Variants in PGCKA1 observed in about 807,000 individuals in gnomAD.
PGCKA1 encodes the protein PDCD10 and GCKIII kinases-associated protein 1.
chr4:37,536,380 T>C, the PGCKA1 span, among the ~76,000 whole-genome samples: 4 of 152,170 alleles, frequency 2.6e-5, no homozygotes, highest in Non-Finnish European at 5.9e-5. Context: ...AACAAACTTT[T>C]TTTTTTATCT....
chr4:37,474,083 A>G, the PGCKA1 span, among the ~76,000 whole-genome samples: 2 of 152,054 alleles, frequency 1.3e-5, no homozygotes, highest in Admixed American at 1.3e-4. Flanking sequence ...CCCAAATTTC[A>G]TGTGTTTGAA....
the PGCKA1 span, among the ~76,000 whole-genome samples, chr4:37,499,252 C>G: frequency 6.6e-6 from 1 of 152,106 alleles, no homozygotes; most frequent in South Asian, 2.1e-4. Flanking sequence ...ATTTTTACAC[C>G]AGTGTTTACC....
At chr4:37,591,027 G>A in the PGCKA1 span, 1 of 1,568,162 alleles carries the variant, frequency 6.4e-7, no homozygotes, top group Non-Finnish European at 8.7e-7. Flanking sequence ...AGGGAGGTAA[G>A]CTGGTGTCAT....
the PGCKA1 span, among the ~76,000 whole-genome samples, chr4:37,462,090 A>G: frequency 6.6e-6 from 1 of 152,154 alleles, no homozygotes; most frequent in Admixed American, 6.5e-5. Context: ...ATTCCTTTTC[A>G]TTATAGCAGT....
the PGCKA1 span, among the ~76,000 whole-genome samples, chr4:37,584,574 C>A: frequency 6.6e-6 from 1 of 152,028 alleles, no homozygotes; most frequent in Non-Finnish European, 1.5e-5. Context: ...GCCTAAAAGC[C>A]GCAAATGATG....
the PGCKA1 span, among the ~76,000 whole-genome samples, chr4:37,547,044 A>G: frequency 6.7e-6 from 1 of 150,190 alleles, no homozygotes; most frequent in East Asian, 2.0e-4. Context: ...GAATTGCTTG[A>G]CAGGACTGGT....
the PGCKA1 span, among the ~76,000 whole-genome samples, chr4:37,571,546 T>A: frequency 7.4e-6 from 1 of 135,360 alleles, no homozygotes; most frequent in Non-Finnish European, 1.7e-5. Context: ...TATTTTTATT[T>A]TTATTTTTTG....
chr4:37,514,779 C>T, the PGCKA1 span, among the ~76,000 whole-genome samples: 1 of 152,184 alleles, frequency 6.6e-6, no homozygotes, highest in Non-Finnish European at 1.5e-5. Context: ...CCCCACTTGG[C>T]ATTAGCTGAG....
At chr4:37,537,438 T>C in the PGCKA1 span, among the ~76,000 whole-genome samples, 1 of 152,216 alleles carries the variant, frequency 6.6e-6, no homozygotes, top group Non-Finnish European at 1.5e-5. Context: ...TTTTAAATGC[T>C]TACATGTACA....
the PGCKA1 span, among the ~76,000 whole-genome samples, chr4:37,496,630 T>G: frequency 6.6e-6 from 1 of 152,238 alleles, no homozygotes; most frequent in East Asian, 1.9e-4. Flanking sequence ...TTTTTTCTAG[T>G]TCTGTGAAGA....
At chr4:37,564,274 C>CAA in the PGCKA1 span, among the ~76,000 whole-genome samples, 1 of 44,786 alleles carries the variant, frequency 2.2e-5, no homozygotes, top group Non-Finnish European at 4.6e-5. Context: ...GACTCTGTCT[C>CAA]AAAAAAAAAA....
chr4:37,524,557 C>T, the PGCKA1 span, among the ~76,000 whole-genome samples: 6 of 152,234 alleles, frequency 3.9e-5, no homozygotes, highest in African/African-American at 1.4e-4. Flanking sequence ...GAGAATATCA[C>T]TCCATCTCTC....
the PGCKA1 span, among the ~76,000 whole-genome samples, chr4:37,567,317 C>A: frequency 6.6e-6 from 1 of 152,168 alleles, no homozygotes; most frequent in Non-Finnish European, 1.5e-5. Flanking sequence ...GTCCTTGGCA[C>A]ATAGAAAACA....
the PGCKA1 span, among the ~76,000 whole-genome samples, chr4:37,466,801 C>A: frequency 6.6e-6 from 1 of 152,254 alleles, no homozygotes; most frequent in South Asian, 2.1e-4. Flanking sequence ...ATATCATCAA[C>A]ATATACAATA....
chr4:37,513,566 AT>A, the PGCKA1 span, among the ~76,000 whole-genome samples: 1 of 152,124 alleles, frequency 6.6e-6, no homozygotes, highest in African/African-American at 2.4e-5. Flanking sequence ...TTTAACCTTA[AT>A]TATCTCCATA....
At chr4:37,489,466 C>T in the PGCKA1 span, among the ~76,000 whole-genome samples, 1 of 152,076 alleles carries the variant, frequency 6.6e-6, no homozygotes, top group Non-Finnish European at 1.5e-5. Flanking sequence ...GGATGATAGT[C>T]TTCTTAATTA....
chr4:37,544,006 C>T, the PGCKA1 span, among the ~76,000 whole-genome samples: 1 of 152,154 alleles, frequency 6.6e-6, no homozygotes, highest in Admixed American at 6.5e-5. Flanking sequence ...CCTTGTCATT[C>T]CCTCTTGGTT....
chr4:37,545,238 A>G, the PGCKA1 span, among the ~76,000 whole-genome samples: 1 of 152,150 alleles, frequency 6.6e-6, no homozygotes, highest in Non-Finnish European at 1.5e-5. Context: ...CACAGAAACA[A>G]GGAGGGGAGC....
At chr4:37,455,703 G>T in the PGCKA1 span, among the ~76,000 whole-genome samples, 2 of 152,162 alleles carry the variant, frequency 1.3e-5, no homozygotes, top group African/African-American at 4.8e-5. Context: ...CCTAAACATG[G>T]AATGATTCCC....
Sources: gnomAD v4.1 joint callset for allele counts (sites outside exome capture counted in the v4.1 genomes callset) on GRCh38, gnomAD v4.1.1 for gene constraint, MANE v1.5 for transcripts, NCBI Gene and HGNC (gene_info 2026-07-23, HGNC 2026-07-21) for gene names.